The following PIK3C2G variants were observed in gnomAD, a reference collection of about 807,000 sequenced individuals.
The protein encoded by PIK3C2G is phosphatidylinositol 3-kinase C2 domain-containing subunit gamma.
Under a neutral mutation model 181.1 loss-of-function variants are expected in PIK3C2G, and 168 were observed. That is an observed-to-expected ratio of 0.93 (90% CI 0.82 to 1.05). The LOEUF (loss-of-function observed/expected upper bound fraction) is 1.05, where lower values mean the gene tolerates loss of function less well. PIK3C2G is among the 50% of genes least tolerant of loss of function. PIK3C2G has a pLI of 0.00. For missense variants in PIK3C2G, 1,869 were observed against 1,732.8 expected, an observed-to-expected ratio of 1.08 and a Z score of -1.40; for synonymous variants, 573 against 592.2, an observed-to-expected ratio of 0.97 and a Z score of 0.47.
At chr12:18,279,062 C>A (rs1949103094) in intron 1 of PIK3C2G, among the ~76,000 whole-genome samples, 1 of 151,878 alleles carries the variant, frequency 6.6e-6, no homozygotes, top group Non-Finnish European at 1.5e-5. Context: ...GTTTTTAACC[C>A]TTTTTAGTGG....
chr12:18,710,518 G>A, the PIK3C2G span, among the ~76,000 whole-genome samples: 3 of 151,992 alleles, frequency 2.0e-5, no homozygotes, highest in South Asian at 2.1e-4. Context: ...GAGTGAGGCC[G>A]AAGGCTTTGA....
chr12:18,584,018 AGTTTTTTT>A (rs1946640787), intron 29 of PIK3C2G, among the ~76,000 whole-genome samples: 1 of 150,180 alleles, frequency 6.7e-6, no homozygotes, highest in East Asian at 2.0e-4. Flanking sequence ...TTAAATAGAC[AGTTTTTTT>A]GTTTTTTTGT....
At chr12:18,609,426 G>A (rs2136594777) in intron 30 of PIK3C2G, 109 bp from the exon 31 acceptor site, 1 of 637,940 alleles carries the variant, frequency 1.6e-6, no homozygotes, top group Non-Finnish European at 2.8e-6. Flanking sequence ...TCTGAAGAAT[G>A]TTTCTTCTAC....
chr12:18,693,458 C>T, the PIK3C2G span: 7 of 1,606,188 alleles, frequency 4.4e-6, no homozygotes, highest in Non-Finnish European at 5.9e-6. Flanking sequence ...CTGTGGTCCA[C>T]CTGGCACAGG....
chr12:18,496,166 C>CTCT lies in PIK3C2G; in HGVS notation c.2886+14_2886+16dup, dbSNP rs768113266. ...GCATTATTTTTAAGGTATGGTAGCG[C>CTCT]TCTTAAAACATGAATTGATTCCATA... On this transcript the variant is annotated intron_variant, in intron 21 of 32. Coordinates refer to ENST00000538779, the MANE Select transcript of PIK3C2G (RefSeq NM_001288772.2). 2.1e-6 allele frequency: 3 copies of CTCT among 1,421,848 alleles called. No homozygotes were observed. The African/African-American group carries it at 4.3e-5, about 21-fold the overall frequency. 88.1% of individuals were successfully genotyped at this position (1,421,848 alleles called of 1,614,324 possible).
At chr12:18,643,204 C>G (rs1390792764) in intron 32 of PIK3C2G, among the ~76,000 whole-genome samples, 1 of 152,060 alleles carries the variant, frequency 6.6e-6, no homozygotes, top group African/African-American at 2.4e-5. Context: ...GTGCACATAA[C>G]TTTTCTGAGG....
intron 24 of PIK3C2G, among the ~76,000 whole-genome samples, chr12:18,507,845 CAG>C (rs913627893): frequency 6.6e-6 from 1 of 152,144 alleles, no homozygotes; most frequent in Non-Finnish European, 1.5e-5. Flanking sequence ...ATTATTAAAA[CAG>C]TATGGTAAGT....
At chr12:18,312,441 C>T (rs1024316619) in intron 5 of PIK3C2G, among the ~76,000 whole-genome samples, 1 of 152,060 alleles carries the variant, frequency 6.6e-6, no homozygotes, top group African/African-American at 2.4e-5. Context: ...CTTAAGTCAC[C>T]TCCCATAGCA....
At chr12:18,424,126 A>C in intron 18 of PIK3C2G, 87 bp downstream of exon 18, 1 of 772,546 alleles carries the variant, frequency 1.3e-6, no homozygotes, top group South Asian at 1.5e-5. Flanking sequence ...ATATTTCTTT[A>C]CCTTATAATT....
chr12:18,432,780 C>G (rs1449132445), intron 18 of PIK3C2G, among the ~76,000 whole-genome samples: 1 of 152,174 alleles, frequency 6.6e-6, no homozygotes, highest in African/African-American at 2.4e-5. Flanking sequence ...AAAGGGATCT[C>G]AACATGTTAA....
chr12:18,701,900 A>T, the PIK3C2G span: 6 of 1,350,262 alleles, frequency 4.4e-6, no homozygotes, highest in Admixed American at 1.2e-4. Flanking sequence ...TAAGAACTCC[A>T]TTTTTTCCCA....
At chr12:18,245,318 T>A (rs1309075338), upstream of PIK3C2G, among the ~76,000 whole-genome samples, 1 of 152,100 alleles carries the variant, frequency 6.6e-6, no homozygotes, top group Non-Finnish European at 1.5e-5. Flanking sequence ...TTTTACACAT[T>A]TTGATGTCAG....
intron 5 of PIK3C2G, among the ~76,000 whole-genome samples, chr12:18,301,249 C>G (rs1950163829): frequency 6.6e-6 from 1 of 152,070 alleles, no homozygotes; most frequent in African/African-American, 2.4e-5. Flanking sequence ...ATTTCTAAAT[C>G]CCTAGCAAAA....
At chr12:18,583,841 T>A (rs993701323) in intron 29 of PIK3C2G, among the ~76,000 whole-genome samples, 3 of 151,910 alleles carry the variant, frequency 2.0e-5, no homozygotes, top group Admixed American at 6.6e-5. Flanking sequence ...CTGCACTAGT[T>A]CTCCAACAAG....
intron 24 of PIK3C2G, among the ~76,000 whole-genome samples, chr12:18,510,331 A>G (rs1027004840): frequency 3.3e-5 from 5 of 152,154 alleles, no homozygotes; most frequent in African/African-American, 1.2e-4. Context: ...GTGCATCCAC[A>G]ATTTTGCACT....
At chr12:18,522,764 A>G (rs1943000726) in intron 24 of PIK3C2G, among the ~76,000 whole-genome samples, 3 of 151,996 alleles carry the variant, frequency 2.0e-5, no homozygotes, top group Admixed American at 1.3e-4. Context: ...TCTATATCTG[A>G]ACATTGTCAT....
chr12:18,608,516 A>G (rs1408214084), intron 30 of PIK3C2G, among the ~76,000 whole-genome samples: 1 of 134,532 alleles, frequency 7.4e-6, no homozygotes, highest in Non-Finnish European at 1.5e-5. Context: ...ATGAGAACAC[A>G]TGGACACAGG....
At chr12:18,385,374 T>C (rs552059866) in intron 14 of PIK3C2G, among the ~76,000 whole-genome samples, 1 of 152,024 alleles carries the variant, frequency 6.6e-6, no homozygotes, top group African/African-American at 2.4e-5. Context: ...GTCGACAGAG[T>C]GAAATAGATT....
chr12:18,265,554 A>G (rs1186686341), intron 1 of PIK3C2G, among the ~76,000 whole-genome samples: 2 of 152,096 alleles, frequency 1.3e-5, no homozygotes, highest in African/African-American at 4.8e-5. Flanking sequence ...TTTCAATAAA[A>G]TGGTCTTGAT....
Sources: gnomAD v4.1 joint callset for allele counts (sites outside exome capture counted in the v4.1 genomes callset) on GRCh38, gnomAD v4.1.1 for gene constraint, MANE v1.5 for transcripts, NCBI Gene and HGNC (gene_info 2026-07-23, HGNC 2026-07-21) for gene names.